The following EGFR variants were observed in gnomAD, a reference collection of about 807,000 sequenced individuals.
EGFR encodes the protein avian erythroblastic leukemia viral (v-erb-b) oncogene homolog.
Under a neutral mutation model 143.0 loss-of-function variants are expected in EGFR, and 58 were observed. That is an observed-to-expected ratio of 0.41 (90% CI 0.33 to 0.50). The LOEUF is 0.50. EGFR is among the 20% of genes least tolerant of loss of function. EGFR has a pLI of 0.39. For missense variants in EGFR, 1,307 were observed against 1,579.0 expected, an observed-to-expected ratio of 0.83 and a Z score of 2.92; for synonymous variants, 613 against 594.4, an observed-to-expected ratio of 1.03 and a Z score of -0.45.
chr7:55,059,057 G>A (rs2128877961), intron 1 of EGFR, among the ~76,000 whole-genome samples: 1 of 152,314 alleles, frequency 6.6e-6, no homozygotes, highest in Non-Finnish European at 1.5e-5. Flanking sequence ...GTGGGTGAAT[G>A]TGGGCCTCCT....
chr7:55,072,333 G>T (rs980628535), intron 1 of EGFR, among the ~76,000 whole-genome samples: 1 of 152,168 alleles, frequency 6.6e-6, no homozygotes, highest in East Asian at 1.9e-4. Context: ...ACGGACAAAA[G>T]CACGTTCATC....
intron 20 of EGFR, among the ~76,000 whole-genome samples, chr7:55,183,075 G>A (rs914834460): frequency 8.3e-4 from 126 of 152,290 alleles, no homozygotes; most frequent in African/African-American, 2.6e-3. Context: ...GATCCTTCCT[G>A]CCTCTCTGGC....
chr7:55,196,098 A>G (rs535323410), intron 22 of EGFR, among the ~76,000 whole-genome samples: 1 of 151,320 alleles, frequency 6.6e-6, no homozygotes, highest in African/African-American at 2.4e-5. Flanking sequence ...TCTTTTCCAC[A>G]ATAATTGAAC....
intron 1 of EGFR, among the ~76,000 whole-genome samples, chr7:55,082,170 A>T (rs1391485650): frequency 6.6e-6 from 1 of 152,194 alleles, no homozygotes; most frequent in Non-Finnish European, 1.5e-5. Context: ...AAGTTATTTG[A>T]TCTTACCAAG....
chr7:55,198,961 T>TC, intron 23 of EGFR, 98 bp downstream of exon 23: 1 of 1,497,030 alleles, frequency 6.7e-7, no homozygotes, highest in Non-Finnish European at 9.2e-7. Context: ...AGAAATGTCA[T>TC]CACATTACTT....
At chr7:55,163,416 TG>T (rs1785804499) in intron 13 of EGFR, among the ~76,000 whole-genome samples, 1 of 152,228 alleles carries the variant, frequency 6.6e-6, no homozygotes, top group Admixed American at 6.5e-5. Context: ...ACCATGAATC[TG>T]GTATTAGAGG....
At chr7:55,038,626 T>G (rs1787731909) in intron 1 of EGFR, among the ~76,000 whole-genome samples, 1 of 152,196 alleles carries the variant, frequency 6.6e-6, no homozygotes, top group African/African-American at 2.4e-5. Context: ...ATTGAGAATT[T>G]TATAAGATTT....
rs1453213138 is a variant in EGFR at position 55,172,963 on chromosome 7, G to A, written c.1920-20G>A. ...TCTGTCAGCAACCTCACCCTTCCTTGTTCCTCCACCTCATTCCAGGCCTAA... is the reference window on the plus strand; with the variant it reads ...TCTGTCAGCAACCTCACCCTTCCTTATTCCTCCACCTCATTCCAGGCCTAA... On this transcript the variant is annotated intron_variant, in intron 16 of 27. Transcript: ENST00000275493. 1 of 1,614,036 alleles carries A rather than the reference G, an allele frequency of 6.2e-7. No individual in the cohort carries two copies. Among genetic ancestry groups the A allele is most frequent in the Non-Finnish European group, 8.5e-7 (1 of 1,180,036 alleles).
chr7:55,073,356 T>A (rs953750606), intron 1 of EGFR, among the ~76,000 whole-genome samples: 1 of 152,196 alleles, frequency 6.6e-6, no homozygotes, highest in Non-Finnish European at 1.5e-5. Flanking sequence ...CCCAGGGGAT[T>A]TTTTTGTGAC....
In EGFR at chr7:55,036,275, G is replaced by C. The variant is rs865799978; in HGVS notation, c.88+16910G>C. Among the ~76,000 whole-genome samples the C allele has an allele frequency of 2.2e-3, 205 of 93,984 alleles. 7 individuals carry two copies. In the East Asian group the frequency reaches 0.057, roughly 26 times the overall value. 61.7% of individuals were successfully genotyped at this position (93,984 alleles called of 152,430 possible). On this transcript the variant is annotated intron_variant, in intron 1 of 27. Coordinates refer to ENST00000275493, the MANE Select transcript of EGFR (RefSeq NM_005228.5). Reference sequence around the variant, plus strand: ...GTGGTCAAGTTTGTGTGTGTGTGGGGGGGGGGGGGTGGGTGTGTGTGTGTA... The same window carrying C: ...GTGGTCAAGTTTGTGTGTGTGTGGGCGGGGGGGGGTGGGTGTGTGTGTGTA...
rs17336136 is a variant in EGFR at position 55,096,059 on chromosome 7, A to T, written c.89-46227A>T. ...TTAGCTAGTTCAGGAGGAGAAAGAGATAAAGATAAAGTAATATTAGCTAGT... is the reference window on the plus strand; with the variant it reads ...TTAGCTAGTTCAGGAGGAGAAAGAGTTAAAGATAAAGTAATATTAGCTAGT... On this transcript the variant is annotated intron_variant, in intron 1 of 27. Coordinates refer to ENST00000275493, the MANE Select transcript of EGFR (RefSeq NM_005228.5). 8.6e-3 allele frequency among the ~76,000 whole-genome samples: 1,317 copies of T among 152,284 alleles called. 14 individuals carry two copies. The highest frequency in any genetic ancestry group is 0.03 in the African/African-American group (1,265 of 41,536).
At chr7:55,104,196 C>T (rs1356441165) in intron 1 of EGFR, among the ~76,000 whole-genome samples, 2 of 152,160 alleles carry the variant, frequency 1.3e-5, no homozygotes, top group South Asian at 2.1e-4. Flanking sequence ...TGCTTTGGCC[C>T]CTCATCCACA....
chr7:55,176,755 T>C (rs1477267681), intron 19 of EGFR, among the ~76,000 whole-genome samples: 1 of 149,330 alleles, frequency 6.7e-6, no homozygotes, highest in Non-Finnish European at 1.5e-5. Flanking sequence ...TACCTATATA[T>C]ATCTGAATAT....
intron 20 of EGFR, among the ~76,000 whole-genome samples, chr7:55,185,264 A>G (rs1787081852): frequency 6.6e-6 from 1 of 152,282 alleles, no homozygotes; most frequent in South Asian, 2.1e-4. Context: ...TCCATATGCA[A>G]AACCATCTCA....
At chr7:55,042,608 A>G (rs1028097717) in intron 1 of EGFR, among the ~76,000 whole-genome samples, 3 of 152,036 alleles carry the variant, frequency 2.0e-5, no homozygotes, top group African/African-American at 7.2e-5. Flanking sequence ...AATGCAGGTC[A>G]CTCTACGTAT....
At chr7:55,098,030 G>A (rs1228473988) in intron 1 of EGFR, among the ~76,000 whole-genome samples, 1 of 152,130 alleles carries the variant, frequency 6.6e-6, no homozygotes, top group Non-Finnish European at 1.5e-5. Context: ...CTCAAATAGT[G>A]CCTCACAACA....
intron 1 of EGFR, among the ~76,000 whole-genome samples, chr7:55,025,662 C>A (rs1185490831): frequency 1.3e-5 from 2 of 152,200 alleles, no homozygotes; most frequent in Non-Finnish European, 2.9e-5. Flanking sequence ...GTGTCAGTTA[C>A]TTGTCTTAGA....
chr7:55,146,533 A>G (rs2128929253), intron 3 of EGFR, 73 bp from the exon 4 acceptor site: 1 of 1,606,784 alleles, frequency 6.2e-7, no homozygotes, highest in East Asian at 2.2e-5. Context: ...ATAAATGCGA[A>G]GAGCACATGC....
chr7:55,193,468 G>A (rs1787489407), intron 22 of EGFR, among the ~76,000 whole-genome samples: 1 of 152,152 alleles, frequency 6.6e-6, no homozygotes, highest in Non-Finnish European at 1.5e-5. Context: ...CCCGGCCCTA[G>A]GTCCCTGCCC....
Sources: gnomAD v4.1 joint callset for allele counts (sites outside exome capture counted in the v4.1 genomes callset) on GRCh38, gnomAD v4.1.1 for gene constraint, MANE v1.5 for transcripts, NCBI Gene and HGNC (gene_info 2026-07-23, HGNC 2026-07-21) for gene names.